Variants in CSNK1D observed in about 807,000 individuals in gnomAD.
CSNK1D encodes the protein casein kinase 1 delta.
A neutral mutation model predicts 46.6 loss-of-function variants in CSNK1D; 16 were observed. The observed-to-expected ratio is 0.34, with a 90% CI of 0.23 to 0.52. The LOEUF is 0.52. CSNK1D is among the 20% of genes least tolerant of loss of function. CSNK1D has a pLI of 0.95. For missense variants in CSNK1D, 398 were observed against 578.4 expected (o/e 0.69, Z 3.20); for synonymous variants, 276 against 228.2 (o/e 1.21, Z -1.89).
At chr17:82,265,891 G>C in intron 1 of CSNK1D, 95 bp from the exon 2 acceptor site, 1 of 1,016,318 alleles carries the variant, frequency 9.8e-7, no homozygotes. Flanking sequence ...TGTTTTCCAT[G>C]AAGGACCAAG....
At chr17:82,268,095 C>A (rs117468153) in intron 1 of CSNK1D, among the ~76,000 whole-genome samples, 1 of 152,240 alleles carries the variant, frequency 6.6e-6, no homozygotes, top group Admixed American at 6.5e-5. Context: ...GGAACCGACA[C>A]CAAGGTCGCC....
At position 82,250,121 on chromosome 17, in the gene CSNK1D, TGCTGCAC is replaced by T. The variant is rs2147165813; in HGVS notation, c.886-526_886-520del. ...GGCCAGCAGCCGGCAGCCGGATCTG[TGCTGCAC>T]TATCCAGATGCACGGGGGTGGGGAG... On this transcript the variant is annotated intron_variant, in intron 6 of 8. Transcript: ENST00000314028. This position sits in a 1 kb window ranked among gnomAD's most constrained non-coding sequence, Gnocchi z 4.6. 5 of 1,290,772 alleles carry T rather than the reference TGCTGCAC, an allele frequency of 3.9e-6. No homozygotes were observed. Among genetic ancestry groups the T allele is most frequent in the Non-Finnish European group, 5.1e-6 (5 of 989,598 alleles). The allele number at this position is 1,290,772 out of a possible 1,614,324, so 80.0% of individuals were successfully genotyped here.
intron 2 of CSNK1D, among the ~76,000 whole-genome samples, chr17:82,263,890 C>T (rs2051401992): frequency 6.6e-6 from 1 of 152,236 alleles, no homozygotes; most frequent in Admixed American, 6.5e-5. Context: ...GACAGGCTCC[C>T]AGGGCGGAGT....
chr17:82,247,683 T>C, intron 8 of CSNK1D: 1 of 985,380 alleles, frequency 1.0e-6, no homozygotes, highest in African/African-American at 1.7e-5. Flanking sequence ...AGTTAAACCC[T>C]TTCTGTGCTG....
chr17:82,253,967 G>A (rs1322868295), intron 3 of CSNK1D: 4 of 230,890 alleles, frequency 1.7e-5, no homozygotes, highest in South Asian at 7.0e-5. Flanking sequence ...CTGAGCCGCC[G>A]GAGCCTCCAG....
At chr17:82,247,500 C>T (rs187875195) in intron 8 of CSNK1D, 12 of 985,384 alleles carry the variant, frequency 1.2e-5, no homozygotes, top group Middle Eastern at 5.2e-4. Flanking sequence ...AGCGCTGGGG[C>T]GAGGCTGTCC....
In CSNK1D at chr17:82,248,586, G is replaced by C; in HGVS notation, c.1197+289C>G. 2 of 1,273,062 alleles carry C rather than the reference G, an allele frequency of 1.6e-6. No individual in the cohort carries two copies. The highest frequency in any genetic ancestry group is 3.9e-5 in the East Asian group (1 of 25,402). The allele number at this position is 1,273,062 out of a possible 1,614,324, so 78.9% of individuals were successfully genotyped here. On this transcript the variant is annotated intron_variant, in intron 8 of 8. Coordinates refer to ENST00000314028, the MANE Select transcript of CSNK1D (RefSeq NM_001893.6). The surrounding 1 kb of genome is among the most constrained non-coding windows in gnomAD (Gnocchi z 4.1). ...GCCTGGGGACGGCTGCGGGCAGCGG[G>C]GCACTCAAACAGCAGGAGAAAGCCC...
At position 82,247,667 on chromosome 17, in the gene CSNK1D, G is replaced by A; in HGVS notation, c.1197+1208C>T. 4 of 985,424 alleles carry A rather than the reference G, an allele frequency of 4.1e-6. No individual in the cohort carries two copies. The South Asian group carries it at 1.4e-4, about 35-fold the overall frequency. The allele number at this position is 985,424 out of a possible 1,614,324, so 61.0% of individuals were successfully genotyped here. A position where few individuals can be genotyped will look rare whatever the true frequency, so the allele number is the denominator to read the frequency against. Reference sequence around the variant, plus strand: ...TGCGCAAGTGCCAGGCTCGTGGAAAGAAGCCAGTTAAACCCTTTCTGTGCT... The same window carrying A: ...TGCGCAAGTGCCAGGCTCGTGGAAAAAAGCCAGTTAAACCCTTTCTGTGCT... On this transcript the variant is annotated intron_variant, in intron 8 of 8. Coordinates refer to ENST00000314028, the MANE Select transcript of CSNK1D (RefSeq NM_001893.6).
downstream of CSNK1D, chr17:82,239,537 G>A (rs1271723582): frequency 1.7e-5 from 3 of 179,164 alleles, no homozygotes; most frequent in Non-Finnish European, 3.5e-5. Context: ...TGACTCGCAC[G>A]TCTGCTGATG....
At chr17:82,247,725 G>GT in intron 8 of CSNK1D, 7 of 985,410 alleles carry the variant, frequency 7.1e-6, no homozygotes, top group Non-Finnish European at 8.4e-6. Context: ...TTGTGTGCAC[G>GT]TAAGGGACCC....
Position 82,251,603 on chromosome 17 carries a change from T to C in CSNK1D, c.737-76A>G, listed in dbSNP as rs886303398. ...AGGTGTCTCTGCCAACGTCGCTGTCTACCTCCTGCTGCTGCACACTCAAGG... is the reference window on the plus strand; with the variant it reads ...AGGTGTCTCTGCCAACGTCGCTGTCCACCTCCTGCTGCTGCACACTCAAGG... On this transcript the variant is annotated intron_variant, in intron 5 of 8. Transcript: ENST00000314028. This position sits in a 1 kb window ranked among gnomAD's most constrained non-coding sequence, Gnocchi z 4.5. 1.4e-6 allele frequency: 2 copies of C among 1,437,910 alleles called. No homozygotes were observed. The highest frequency in any genetic ancestry group is 1.4e-5 in the African/African-American group (1 of 71,624). 89.1% of individuals were successfully genotyped at this position (1,437,910 alleles called of 1,614,324 possible).
chr17:82,271,606 G>A (rs555398413), intron 1 of CSNK1D, among the ~76,000 whole-genome samples: 2 of 152,350 alleles, frequency 1.3e-5, no homozygotes, highest in African/African-American at 4.8e-5. Context: ...TTACTCAGCA[G>A]TCCACTAAGG....
chr17:82,264,003 T>C (rs1162672404), intron 2 of CSNK1D, among the ~76,000 whole-genome samples: 66 of 152,232 alleles, frequency 4.3e-4, no homozygotes, highest in Admixed American at 4.3e-3. Context: ...CCCCTCTCTG[T>C]AACGGGTTCC....
In CSNK1D at chr17:82,249,804, A is replaced by C; in HGVS notation, c.886-202T>G. ...ACAAGGGGTCAGAGCCAGGCCTCTC[A>C]GCTCCCCCAACAATCGAAAAAACCC... On this transcript the variant is annotated intron_variant, in intron 6 of 8. Coordinates refer to ENST00000314028, the MANE Select transcript of CSNK1D (RefSeq NM_001893.6). This position sits in a 1 kb window ranked among gnomAD's most constrained non-coding sequence, Gnocchi z 6.7. 1 of 1,438,914 alleles carries C rather than the reference A, an allele frequency of 6.9e-7. No homozygotes were observed. Among genetic ancestry groups the C allele is most frequent in the Non-Finnish European group, 9.1e-7 (1 of 1,100,640 alleles). The allele number at this position is 1,438,914 out of a possible 1,614,324, so 89.1% of individuals were successfully genotyped here. A position where few individuals can be genotyped will look rare whatever the true frequency, so the allele number is the denominator to read the frequency against.
downstream of CSNK1D, among the ~76,000 whole-genome samples, chr17:82,242,363 G>A (rs2050752995): frequency 6.6e-6 from 1 of 152,232 alleles, no homozygotes; most frequent in South Asian, 2.1e-4. Flanking sequence ...CCAGGCGGCT[G>A]GAGTGCGGCT....
chr17:82,252,406 C>T lies in CSNK1D; in HGVS notation c.736+28G>A, dbSNP rs373682581. On this transcript the variant is annotated intron_variant, in intron 5 of 8. Coordinates refer to ENST00000314028, the MANE Select transcript of CSNK1D (RefSeq NM_001893.6). The surrounding 1 kb of genome is among the most constrained non-coding windows in gnomAD (Gnocchi z 4.6). ...CATATGCAACCCCTGTGAGCAGCTC[C>T]GCTGAGAAGAGGCCTCCAGAGACTT... 2.1e-4 allele frequency: 341 copies of T among 1,613,602 alleles called. 3 individuals are homozygous for T. The South Asian group carries it at 2.4e-3, about 12-fold the overall frequency.
downstream of CSNK1D, among the ~76,000 whole-genome samples, chr17:82,242,214 G>T (rs966621502): frequency 2.6e-4 from 32 of 120,848 alleles, no homozygotes; most frequent in South Asian, 6.8e-4. Flanking sequence ...GTGTGCTCTG[G>T]GGGGGGGGGG....
At chr17:82,246,365 CAG>C (rs2050849725) in intron 8 of CSNK1D, 2 of 1,279,514 alleles carry the variant, frequency 1.6e-6, no homozygotes, top group South Asian at 1.5e-5. Flanking sequence ...AACTGGGTCT[CAG>C]GGCACAGCCT....
At chr17:82,265,565 A>G (rs1322265616) in intron 2 of CSNK1D, 121 bp downstream of exon 2, 3 of 787,610 alleles carry the variant, frequency 3.8e-6, no homozygotes, top group East Asian at 5.0e-5. Flanking sequence ...GGGTGTGGAG[A>G]ACACTTCCCT....
Sources: gnomAD v4.1 joint callset for allele counts (sites outside exome capture counted in the v4.1 genomes callset) on GRCh38, gnomAD v4.1.1 for gene constraint, Gnocchi (gnomAD v3.1) non-coding constraint, MANE v1.5 for transcripts, NCBI Gene and HGNC (gene_info 2026-07-23, HGNC 2026-07-21) for gene names.